The following GRID2 variants were observed in gnomAD, a reference collection of about 807,000 sequenced individuals.
The protein encoded by GRID2 is glutamate receptor ionotropic, delta-2.
In GRID2, 33 loss-of-function variants were observed where a neutral mutation model predicts 114.8. That is an observed-to-expected ratio of 0.29 (90% CI 0.22 to 0.38). GRID2 has a LOEUF of 0.38. GRID2 is among the 10% of genes least tolerant of loss of function. GRID2 has a pLI of 1.00. For missense variants in GRID2, 1,184 were observed against 1,257.7 expected (o/e 0.94, Z 0.89); for synonymous variants, 505 against 449.9 (o/e 1.12, Z -1.55).
intron 14 of GRID2, among the ~76,000 whole-genome samples, chr4:93,728,670 G>C (rs1022062400): frequency 8.5e-5 from 13 of 152,154 alleles, no homozygotes; most frequent in East Asian, 5.8e-4. Flanking sequence ...CTGGGTGCTC[G>C]TGTATTGGGT....
Position 92,760,255 on chromosome 4 carries a change from A to AAG in GRID2, c.244+169970_244+169971insGA. ...TCTGTCTCAAAAAAAAAAAAAAAAA[A>AAG]AAAAAAGAAAAGAAATATTTGAAGA... On this transcript the variant is annotated intron_variant, in intron 2 of 15. Coordinates refer to ENST00000282020, the MANE Select transcript of GRID2 (RefSeq NM_001510.4). Among the ~76,000 whole-genome samples, 2 of 150,660 alleles carry AAG rather than the reference A, an allele frequency of 1.3e-5. 1 individual carries two copies. The highest frequency in any genetic ancestry group is 3.0e-5 in the Non-Finnish European group (2 of 67,682).
intron 4 of GRID2, among the ~76,000 whole-genome samples, chr4:93,148,675 C>G (rs1311850004): frequency 6.6e-6 from 1 of 151,940 alleles, no homozygotes; most frequent in African/African-American, 2.4e-5. Flanking sequence ...TATAAATAGG[C>G]TAGTTTTATT....
chr4:92,327,222 A>C (rs192175140), intron 1 of GRID2, among the ~76,000 whole-genome samples: 20 of 152,122 alleles, frequency 1.3e-4, no homozygotes, highest in African/African-American at 4.3e-4. Flanking sequence ...TAATAGGCTC[A>C]GTGTCTACCC....
chr4:92,633,860 AT>A (rs112371241), intron 2 of GRID2, among the ~76,000 whole-genome samples: 602 of 144,782 alleles, frequency 4.2e-3, no homozygotes, highest in African/African-American at 0.011. Flanking sequence ...GCATTCTACT[AT>A]TTTTTTTTTT....
At chr4:92,727,213 T>TA (rs545824992) in intron 2 of GRID2, among the ~76,000 whole-genome samples, 126 of 152,150 alleles carry the variant, frequency 8.3e-4, no homozygotes, top group African/African-American at 2.8e-3. Flanking sequence ...TAAACAAAAG[T>TA]AAAAAAAGTT....
intron 2 of GRID2, among the ~76,000 whole-genome samples, chr4:92,877,464 A>G (rs568313835): frequency 6.6e-6 from 1 of 152,360 alleles, no homozygotes; most frequent in Admixed American, 6.5e-5. Context: ...TGAAGGAGGT[A>G]CACTAGTTGA....
intron 14 of GRID2, among the ~76,000 whole-genome samples, chr4:93,733,302 T>C (rs1466377466): frequency 6.6e-6 from 1 of 152,148 alleles, no homozygotes; most frequent in Non-Finnish European, 1.5e-5. Context: ...ATATGGACTT[T>C]TCAGCCTGCC....
chr4:92,935,073 G>A (rs1337835429), intron 2 of GRID2, among the ~76,000 whole-genome samples: 8 of 146,522 alleles, frequency 5.5e-5, no homozygotes, highest in Non-Finnish European at 7.5e-5. Context: ...CTGCACAGCA[G>A]AAGAAACTAG....
Position 92,895,124 on chromosome 4 carries a change from T to G in GRID2, c.245-189871T>G, listed in dbSNP as rs1271572998. On this transcript the variant is annotated intron_variant, in intron 2 of 15. Coordinates refer to ENST00000282020, the MANE Select transcript of GRID2 (RefSeq NM_001510.4). ...GAATTGGCTGGGGACATTTTCTGTCTTTTCCACTAAACTCAGAGTTATGAA... is the reference window on the plus strand; with the variant it reads ...GAATTGGCTGGGGACATTTTCTGTCGTTTCCACTAAACTCAGAGTTATGAA... Among the ~76,000 whole-genome samples, 3 of 152,052 alleles carry G rather than the reference T, an allele frequency of 2.0e-5. No homozygotes were observed. In the East Asian group the frequency reaches 5.8e-4, roughly 29 times the overall value.
At chr4:92,845,298 G>A (rs943771377) in intron 2 of GRID2, among the ~76,000 whole-genome samples, 23 of 152,198 alleles carry the variant, frequency 1.5e-4, no homozygotes, top group Admixed American at 1.0e-3. Context: ...AGCAGAAGCA[G>A]TAGCCCTGTA....
chr4:92,997,159 A>T (rs1755252723), intron 2 of GRID2, among the ~76,000 whole-genome samples: 1 of 152,186 alleles, frequency 6.6e-6, no homozygotes, highest in Non-Finnish European at 1.5e-5. Context: ...AGTAGGAGTT[A>T]TGTGGCAACA....
At chr4:93,637,723 C>T (rs1160584752) in intron 14 of GRID2, among the ~76,000 whole-genome samples, 1 of 152,152 alleles carries the variant, frequency 6.6e-6, no homozygotes, top group Non-Finnish European at 1.5e-5. Context: ...TGGGACGATA[C>T]TGAAATATTT....
intron 12 of GRID2, among the ~76,000 whole-genome samples, chr4:93,500,960 A>G (rs1316573743): frequency 1.3e-5 from 2 of 151,944 alleles, no homozygotes; most frequent in African/African-American, 2.4e-5. Context: ...TACACCCTGT[A>G]TTGGAATACT....
At chr4:92,566,583 T>A (rs1458738963) in intron 1 of GRID2, among the ~76,000 whole-genome samples, 1 of 151,954 alleles carries the variant, frequency 6.6e-6, no homozygotes, top group African/African-American at 2.4e-5. Context: ...CTCTCTATGC[T>A]CCTTACTGTA....
intron 2 of GRID2, among the ~76,000 whole-genome samples, chr4:92,746,437 T>C (rs1465809855): frequency 2.0e-5 from 3 of 152,134 alleles, no homozygotes; most frequent in Non-Finnish European, 4.4e-5. Flanking sequence ...CATCTAGAGG[T>C]TCCTTTATAG....
rs116487976 is a variant in GRID2 at position 93,637,910 on chromosome 4, C to T, written c.2360+11475C>T. Among the ~76,000 whole-genome samples, 816 of 152,230 alleles carry T rather than the reference C, an allele frequency of 5.4e-3. 10 individuals are homozygous for T. Among genetic ancestry groups the T allele is most frequent in the African/African-American group, 0.019 (788 of 41,546 alleles). On this transcript the variant is annotated intron_variant, in intron 14 of 15. Transcript: ENST00000282020. ...TTGAGCAGCTCAAATAAACTAACAT[C>T]ATAATTGGTCAGACAGTCTACTCAC...
intron 2 of GRID2, among the ~76,000 whole-genome samples, chr4:92,845,649 T>A (rs566737345): frequency 6.6e-6 from 1 of 152,226 alleles, no homozygotes; most frequent in South Asian, 2.1e-4. Context: ...GGATATCAGG[T>A]GCACACCTGG....
intron 1 of GRID2, among the ~76,000 whole-genome samples, chr4:93,792,088 A>G (rs1734705235): frequency 6.6e-6 from 1 of 152,230 alleles, no homozygotes; most frequent in African/African-American, 2.4e-5. Context: ...TCATAAAAAT[A>G]AAAATGAAAA....
At chr4:93,554,272 TG>T (rs1272397578) in intron 13 of GRID2, among the ~76,000 whole-genome samples, 2 of 152,310 alleles carry the variant, frequency 1.3e-5, no homozygotes, top group Admixed American at 1.3e-4. Flanking sequence ...TTCTCTTGAC[TG>T]CAAACCTGGT....
Sources: allele counts gnomAD v4.1 joint callset (sites outside exome capture counted in the v4.1 genomes callset), GRCh38; gene constraint gnomAD v4.1.1; transcripts MANE v1.5; gene names NCBI Gene and HGNC (gene_info 2026-07-23, HGNC 2026-07-21).